ZNF354A: variants seen among roughly 807,000 people sequenced by gnomAD.
The protein encoded by ZNF354A is epididymis luminal protein 104.
A neutral mutation model predicts 53.3 loss-of-function variants in ZNF354A; 25 were observed. The ratio of observed to expected loss-of-function variants is 0.47; its 90% CI spans 0.34 to 0.66. The LOEUF (loss-of-function observed/expected upper bound fraction) is 0.66. Among genes scored for constraint, ZNF354A ranks in the 30% least tolerant of loss-of-function variants. The probability of loss-of-function intolerance (pLI) is 0.01; values close to 1 mark genes in which losing one functional copy is unlikely to be tolerated. For missense variants in ZNF354A, 586 were observed against 716.8 expected (o/e 0.82, Z 2.08); for synonymous variants, 228 against 249.0 (o/e 0.92, Z 0.79).
intron 4 of ZNF354A, among the ~76,000 whole-genome samples, chr5:178,716,971 C>T (rs1344144347): frequency 6.8e-6 from 1 of 147,166 alleles, no homozygotes; most frequent in South Asian, 2.2e-4. Flanking sequence ...CCCAGGTACT[C>T]GGGAGGCTGA....
chr5:178,712,141 T>C lies in ZNF354A; in HGVS notation c.1737A>G (p.Glu579=). The change falls in exon 5 of 5, where the codon GAA becomes GAG. Residue 579 remains glutamate, a synonymous_variant. Transcript: ENST00000335815. ...QRIHTGEKPY[E]CNTCGKLFNH... ...TGAAAAGTTTCCCACATGTATTACATTCATAGGGTTTCTCTCCAGTATGAA... is the reference window on the plus strand; with the variant it reads ...TGAAAAGTTTCCCACATGTATTACACTCATAGGGTTTCTCTCCAGTATGAA... 6.2e-7 allele frequency: 1 copy of C among 1,614,042 alleles called. No individual in the cohort carries two copies.
chr5:178,711,963 A>G lies in ZNF354A; in HGVS notation c.*97T>C. 3.5e-6 allele frequency: 5 copies of G among 1,432,916 alleles called. No homozygotes were observed. In the South Asian group the frequency reaches 7.4e-5, roughly 21 times the overall value. The allele number at this position is 1,432,916 out of a possible 1,614,324, so 88.8% of individuals were successfully genotyped here. A position where few individuals can be genotyped will look rare whatever the true frequency, so the allele number is the denominator to read the frequency against. On this transcript the variant is annotated 3_prime_UTR_variant, in exon 5 of 5. Transcript: ENST00000335815. ...TACCTAATGAGGGCTAAATTATTAC[A>G]GTTTTTTTCACATCCATTACATTTA...
intron 4 of ZNF354A, among the ~76,000 whole-genome samples, chr5:178,719,558 G>A (rs1765771162): frequency 6.6e-6 from 1 of 152,232 alleles, no homozygotes; most frequent in Admixed American, 6.5e-5. Context: ...CAGCACCCAA[G>A]TCTTTGAATG....
Position 178,712,184 on chromosome 5 carries a change from C to A in ZNF354A, c.1694G>T (p.Arg565Leu), listed in dbSNP as rs961975337. 6.8e-6 allele frequency: 11 copies of A among 1,613,632 alleles called. No individual in the cohort carries two copies. Among genetic ancestry groups the A allele is most frequent in the Non-Finnish European group, 9.3e-6 (11 of 1,179,924 alleles). ...AGTATGAATTCTCTGATGTGCAATA[C>A]GTGATGAGCTTTGTCTAAAAGTTTT... The part of the protein sequence containing the change: ...CGKTFRQSSS[R>L]IAHQRIHTGE... Residue 565 changes from arginine (R) to leucine (L), a missense_variant, in exon 5 of 5, where the codon CGT (arginine) becomes CTT (leucine). Around this residue, in one of 2 missense-constraint regions of ZNF354A, gnomAD observed 573 missense variants for 680.1 expected, o/e 0.84. Transcript: ENST00000335815.
chr5:178,717,590 T>C (rs1023108295), intron 4 of ZNF354A, among the ~76,000 whole-genome samples: 1 of 151,952 alleles, frequency 6.6e-6, no homozygotes, highest in Non-Finnish European at 1.5e-5. Flanking sequence ...ATGGCTGAGA[T>C]GCCTTAATAG....
rs1765648064 is a variant in ZNF354A, at chr5:178,712,928, T to C, written c.950A>G (p.Gln317Arg). 6.2e-7 allele frequency: 1 copy of C among 1,614,184 alleles called. No homozygotes were observed. The highest frequency in any genetic ancestry group is 8.5e-7 in the Non-Finnish European group (1 of 1,180,008). Reference sequence around the variant, plus strand: ...AGGGTTTTCTTCAGCATGAATTTTTTGATGTATAAAAAGGCCTGACCTTCG... The same window carrying C: ...AGGGTTTTCTTCAGCATGAATTTTTCGATGTATAAAAAGGCCTGACCTTCG... ...FSRRSGLFIH[Q>R]KIHAEENPCK... The change falls in exon 5 of 5, where the codon CAA (glutamine) becomes CGA (arginine). Residue 317 changes from glutamine (Q) to arginine (R), a missense_variant. Gln to Arg is a conservative substitution (Grantham distance 43). This residue lies in a region of ZNF354A where 573 missense variants were observed against 680.1 expected (regional missense o/e 0.84). Transcript: ENST00000335815.
intron 1 of ZNF354A, among the ~76,000 whole-genome samples, chr5:178,729,693 G>A (rs1765990828): frequency 6.6e-6 from 1 of 151,844 alleles, no homozygotes; most frequent in East Asian, 2.0e-4. Context: ...CGAGTAGCTG[G>A]GACTACAGGC....
chr5:178,724,470 C>T (rs1392087918), intron 4 of ZNF354A, among the ~76,000 whole-genome samples: 7 of 152,122 alleles, frequency 4.6e-5, no homozygotes, highest in Non-Finnish European at 1.0e-4. Flanking sequence ...GGTGATCCGC[C>T]CGCCTCGGCC....
At chr5:178,725,029 C>T (rs572107010) in intron 4 of ZNF354A, among the ~76,000 whole-genome samples, 38 of 152,370 alleles carry the variant, frequency 2.5e-4, no homozygotes, top group Admixed American at 9.8e-4. Flanking sequence ...ACTTACCACG[C>T]GGCCCTTCCC....
intron 4 of ZNF354A, among the ~76,000 whole-genome samples, chr5:178,715,830 C>A (rs1374667917): frequency 6.6e-6 from 1 of 152,000 alleles, no homozygotes; most frequent in Admixed American, 6.6e-5. Flanking sequence ...ACTATCTCTA[C>A]CATAATCTCC....
rs774725980 is a variant in ZNF354A, at chr5:178,712,681, T to G, written c.1197A>C (p.Gln399His). 1.2e-6 allele frequency: 2 copies of G among 1,613,940 alleles called. No individual in the cohort carries two copies. The highest frequency in any genetic ancestry group is 2.2e-5 in the South Asian group (2 of 91,074). ...TTTCTCCGGTGTGAATTCTTTCATG[T>G]TGAATAAGAGAGGCACTCTGGCTGA... is the stretch of plus-strand genomic sequence containing the variant. ...RAFSQSASLI[Q>H]HERIHTGEKP... The change falls in exon 5 of 5, where the codon CAA becomes CAC. Residue 399 changes from glutamine (Q) to histidine (H), a missense_variant. Coordinates refer to ENST00000335815, the MANE Select transcript of ZNF354A (RefSeq NM_005649.3).
Position 178,712,289 on chromosome 5 carries a change from G to A in ZNF354A, c.1589C>T (p.Ser530Phe). 6.2e-7 allele frequency: 1 copy of A among 1,614,060 alleles called. No homozygotes were observed. Among genetic ancestry groups the A allele is most frequent in the Non-Finnish European group, 8.5e-7 (1 of 1,179,978 alleles). ...AATAAGAGCTGAACTTTGGCCAAAAGATATCCCACATTCCTCACATCGATA... is the reference window on the plus strand; with the variant it reads ...AATAAGAGCTGAACTTTGGCCAAAAAATATCCCACATTCCTCACATCGATA... ...KPYRCEECGI[S>F]FGQSSALIQH... The change falls in exon 5 of 5, where the codon TCT becomes TTT. Residue 530 changes from serine to phenylalanine, a missense_variant. Ser to Phe is a radical substitution (Grantham distance 155). Transcript: ENST00000335815.
chr5:178,719,791 C>CAA (rs1765775873), intron 4 of ZNF354A, among the ~76,000 whole-genome samples: 1 of 151,822 alleles, frequency 6.6e-6, no homozygotes, highest in Admixed American at 6.6e-5. Context: ...ACTAAAAATA[C>CAA]AAAAAATTAG....
chr5:178,712,007 T>C lies in ZNF354A; in HGVS notation c.*53A>G, dbSNP rs115239981. ...ACATTTATTACATCTCTCTCAAGGA[T>C]GTATTCTTCGATGAGCTTTGGTTTA... On this transcript the variant is annotated 3_prime_UTR_variant, in exon 5 of 5. Transcript: ENST00000335815. 8.3e-3 allele frequency: 12,585 copies of C among 1,518,806 alleles called. 84 individuals carry two copies. The highest frequency in any genetic ancestry group is 0.015 in the Middle Eastern group (72 of 4,678). The allele number at this position is 1,518,806 out of a possible 1,614,324, so 94.1% of individuals were successfully genotyped here. A position where few individuals can be genotyped will look rare whatever the true frequency, so the allele number is the denominator to read the frequency against.
intron 1 of ZNF354A, among the ~76,000 whole-genome samples, chr5:178,729,872 G>GCTTCTTTTTTTTTTTTTTTTT (rs746292908): frequency 1.4e-5 from 2 of 143,338 alleles, no homozygotes; most frequent in African/African-American, 2.6e-5. Context: ...CTAACACGAT[G>GCTTCTTTTTTTTTTTTTTTTT]TTTCTTTTTT....
rs1465305962 is a variant in ZNF354A at position 178,713,029 on chromosome 5, T to A, written c.849A>T (p.Thr283=). The A allele has an allele frequency of 8.1e-6, 13 of 1,614,176 alleles. No individual in the cohort carries two copies. The highest frequency in any genetic ancestry group is 1.1e-5 in the Non-Finnish European group (13 of 1,180,022). ...KECGKAFTLS[T]SLYKHLRTHT... ...GGGTTCTTAGATGTTTATAAAGGGA[T>A]GTACTGAGAGTAAAGGCTTTCCCAC... is the stretch of plus-strand genomic sequence containing the variant. The change falls in exon 5 of 5, where the codon ACA becomes ACT. Residue 283 remains threonine (T), a synonymous_variant. Coordinates refer to ENST00000335815, the MANE Select transcript of ZNF354A (RefSeq NM_005649.3).
intron 4 of ZNF354A, among the ~76,000 whole-genome samples, chr5:178,714,891 G>A (rs1440350667): frequency 6.6e-6 from 1 of 152,184 alleles, no homozygotes; most frequent in Non-Finnish European, 1.5e-5. Flanking sequence ...CAAACAGGAG[G>A]GCCCTGTTAT....
chr5:178,712,980 A>C lies in ZNF354A; in HGVS notation c.898T>G (p.Cys300Gly). The C allele has an allele frequency of 6.2e-7, 1 of 1,614,136 alleles. No individual in the cohort carries two copies. The highest frequency in any genetic ancestry group is 8.5e-7 in the Non-Finnish European group (1 of 1,179,990). Residue 300 changes from cysteine to glycine, a missense_variant, in exon 5 of 5, where the codon TGT becomes GGT. Coordinates refer to ENST00000335815, the MANE Select transcript of ZNF354A (RefSeq NM_005649.3). ...RTHTVEKSYR[C>G]KECGKSFSRR... ...CTGAAGGATTTACCACATTCTTTAC[A>C]TCTGTAGGATTTCTCCACAGTATGG...
rs150808142 is a variant in ZNF354A at position 178,724,637 on chromosome 5, A to G, written c.256+739T>C. ...TGTGAAACATTAAAATACTACATGTAAGTAATGCCCCCTTCCATGGACCCA... is the reference window on the plus strand; with the variant it reads ...TGTGAAACATTAAAATACTACATGTGAGTAATGCCCCCTTCCATGGACCCA... On this transcript the variant is annotated intron_variant, in intron 4 of 4. Transcript: ENST00000335815. Among the ~76,000 whole-genome samples, 705 of 152,328 alleles carry G rather than the reference A, an allele frequency of 4.6e-3. 7 individuals are homozygous for G. The highest frequency in any genetic ancestry group is 0.016 in the African/African-American group (674 of 41,556).
Sources: allele counts gnomAD v4.1 joint callset (sites outside exome capture counted in the v4.1 genomes callset), GRCh38; gene constraint gnomAD v4.1.1; regional missense constraint gnomAD v4.1.1; transcripts MANE v1.5; gene names NCBI Gene and HGNC (gene_info 2026-07-23, HGNC 2026-07-21).